DCX: variants seen among roughly 807,000 people sequenced by gnomAD.
DCX encodes doublecortin.
Under a neutral mutation model 20.9 loss-of-function variants are expected in DCX, and 4 were observed. The observed-to-expected ratio is 0.19, with a 90% CI of 0.09 to 0.44. DCX has a LOEUF of 0.44. Ranked by LOEUF, DCX falls within the 20% of genes least tolerant of loss-of-function variation. DCX has a pLI of 0.99. For missense variants in DCX, 133 were observed against 296.9 expected, an observed-to-expected ratio of 0.45 and a Z score of 4.06; for synonymous variants, 103 against 111.4, an observed-to-expected ratio of 0.92 and a Z score of 0.47.
rs757426126 is a variant in DCX, at chrX:111,400,943, C to A, written c.705+47G>T. 5.3e-6 allele frequency: 6 copies of A among 1,125,392 alleles called. No homozygotes were observed. In the Admixed American group the frequency reaches 1.3e-4, roughly 25 times the overall value. 92.7% of individuals were successfully genotyped at this position (1,125,392 alleles called of 1,213,427 possible). A position where few individuals can be genotyped will look rare whatever the true frequency, so the allele number is the denominator to read the frequency against. ...GATATTTTAGGTATAACATGATCAT[C>A]TAAGAATTTAGAAAAAACGGGAAAA... On this transcript the variant is annotated intron_variant, in intron 3 of 6. Transcript: ENST00000636035.
At chrX:111,312,340 G>A (rs1199429441) in intron 6 of DCX, among the ~76,000 whole-genome samples, 1 of 112,180 alleles carries the variant, frequency 8.9e-6, no homozygotes, top group East Asian at 2.8e-4. Flanking sequence ...GGGGAGACAA[G>A]TGTTCAACCC....
In DCX at chrX:111,312,681, G is replaced by A; in HGVS notation, c.1002C>T (p.Ile334=). The change falls in exon 6 of 7, where the codon ATC becomes ATT. Residue 334 remains isoleucine, a synonymous_variant. Coordinates refer to ENST00000636035, the MANE Select transcript of DCX (RefSeq NM_001195553.2). The part of the protein sequence containing the change: ...LSTPKSKQSP[I]STPTSPGSLR... Reference sequence around the variant, plus strand: ...GGCTGCCAGGACTGGTGGGCGTAGAGATGGGAGACTGCTTAGACTTGGGGG... The same window carrying A: ...GGCTGCCAGGACTGGTGGGCGTAGAAATGGGAGACTGCTTAGACTTGGGGG... 2 of 1,212,034 alleles carry A rather than the reference G, an allele frequency of 1.7e-6. No homozygotes were observed. The highest frequency in any genetic ancestry group is 2.2e-6 in the Non-Finnish European group (2 of 895,626).
Position 111,295,150 on chromosome X carries a change from C to T in DCX, c.*6537G>A, listed in dbSNP as rs1603410527. On this transcript the variant is annotated 3_prime_UTR_variant, in exon 7 of 7. Coordinates refer to ENST00000636035, the MANE Select transcript of DCX (RefSeq NM_001195553.2). Reference sequence around the variant, plus strand: ...GGCATAACCTCTTACTTGTTCAAATCCCTTTTGGATAACTTATAAAGAAAA... The same window carrying T: ...GGCATAACCTCTTACTTGTTCAAATTCCTTTTGGATAACTTATAAAGAAAA... 8.9e-6 allele frequency: 1 copy of T among 112,190 alleles called. No individual in the cohort carries two copies. The highest frequency in any genetic ancestry group is 3.2e-5 in the African/African-American group (1 of 30,876). The allele number at this position is 112,190 out of a possible 1,213,427, so 9.2% of individuals were successfully genotyped here.
intron 5 of DCX, among the ~76,000 whole-genome samples, chrX:111,316,088 A>T (rs6642886): frequency 1.0e-4 from 6 of 59,630 alleles, no homozygotes; most frequent in Non-Finnish European, 1.9e-4. Context: ...ATAAAAAATA[A>T]AAAAAAAAAA....
chrX:111,383,819 A>G (rs1433936975), intron 3 of DCX, among the ~76,000 whole-genome samples: 2 of 111,298 alleles, frequency 1.8e-5, no homozygotes, highest in South Asian at 3.9e-4. Flanking sequence ...TTTTGATGTA[A>G]TTAGTCTGGA....
intron 5 of DCX, among the ~76,000 whole-genome samples, chrX:111,318,791 A>G (rs186100621): frequency 2.5e-3 from 273 of 110,955 alleles, no homozygotes; most frequent in African/African-American, 8.6e-3. Context: ...ATGGGGCCTA[A>G]TTGAGGGTGG....
intron 5 of DCX, among the ~76,000 whole-genome samples, chrX:111,329,911 C>T (rs965000740): frequency 8.9e-6 from 1 of 112,193 alleles, no homozygotes; most frequent in Non-Finnish European, 1.9e-5. Context: ...AATTCTGAGC[C>T]TTGGGATGAC....
chrX:111,338,526 G>A (rs1037453474), intron 3 of DCX, among the ~76,000 whole-genome samples: 2 of 111,007 alleles, frequency 1.8e-5, no homozygotes, highest in African/African-American at 6.6e-5. Flanking sequence ...TCCAGTCAGA[G>A]GTTGACACAG....
chrX:111,298,065 C>T lies in DCX; in HGVS notation c.*3622G>A, dbSNP rs948742222. 5.4e-5 allele frequency: 6 copies of T among 111,521 alleles called. No homozygotes were observed. Among genetic ancestry groups the T allele is most frequent in the Admixed American group, 2.9e-4 (3 of 10,524 alleles). 9.2% of individuals were successfully genotyped at this position (111,521 alleles called of 1,213,427 possible). A position where few individuals can be genotyped will look rare whatever the true frequency, so the allele number is the denominator to read the frequency against. On this transcript the variant is annotated 3_prime_UTR_variant, in exon 7 of 7. Transcript: ENST00000636035. Reference sequence around the variant, plus strand: ...CTAGTTTTTTTAAAATGTTGAAAAGCCATCTCAGAAAGTTAGGATGAACAA... The same window carrying T: ...CTAGTTTTTTTAAAATGTTGAAAAGTCATCTCAGAAAGTTAGGATGAACAA...
At chrX:111,354,258 T>C (rs1279798851) in intron 3 of DCX, among the ~76,000 whole-genome samples, 1 of 111,846 alleles carries the variant, frequency 8.9e-6, no homozygotes, top group Non-Finnish European at 1.9e-5. Context: ...TCCCTTAAAA[T>C]CTAGTGAAAT....
At chrX:111,408,393 C>T (rs746331767) in intron 2 of DCX, among the ~76,000 whole-genome samples, 3 of 110,462 alleles carry the variant, frequency 2.7e-5, no homozygotes, top group East Asian at 2.9e-4. Flanking sequence ...GAGGCCAAGG[C>T]GGGTGGATCC....
chrX:111,374,565 G>A (rs187046163), intron 3 of DCX, among the ~76,000 whole-genome samples: 2 of 111,451 alleles, frequency 1.8e-5, no homozygotes, highest in Non-Finnish European at 3.8e-5. Context: ...GACTGCTGCA[G>A]GCTACTCATC....
chrX:111,336,403 G>T (rs1921739594), intron 3 of DCX, among the ~76,000 whole-genome samples: 1 of 112,393 alleles, frequency 8.9e-6, no homozygotes, highest in Non-Finnish European at 1.9e-5. Flanking sequence ...CTACAATCCA[G>T]CTGTTCAGCA....
chrX:111,367,189 G>A (rs1009571141), intron 3 of DCX, among the ~76,000 whole-genome samples: 1 of 111,785 alleles, frequency 8.9e-6, no homozygotes, highest in African/African-American at 3.3e-5. Context: ...ACTCTCTGGT[G>A]CCATGAGGGA....
At chrX:111,333,022 G>C (rs1403946494) in intron 4 of DCX, 29 bp downstream of exon 4, 1 of 1,053,227 alleles carries the variant, frequency 9.5e-7, no homozygotes, top group Admixed American at 2.2e-5. Context: ...GAGAACAATG[G>C]AGCAATAAAA....
chrX:111,403,193 C>T (rs1000773986), intron 2 of DCX, among the ~76,000 whole-genome samples: 3 of 112,032 alleles, frequency 2.7e-5, no homozygotes, highest in Admixed American at 9.5e-5. Context: ...GATTCACTGG[C>T]ACCTTGCAGG....
At position 111,353,086 on chromosome X, in the gene DCX, G is replaced by C. The variant is rs188080588; in HGVS notation, c.706-19933C>G. The stretch of plus-strand genomic sequence containing the variant: ...CTCAAGTGTCAGCTTCATATGCCTA[G>C]AAAGGAGTATAAAGGAGGAATTTGG... On this transcript the variant is annotated intron_variant, in intron 3 of 6. Coordinates refer to ENST00000636035, the MANE Select transcript of DCX (RefSeq NM_001195553.2). Among the ~76,000 whole-genome samples, 6 of 112,018 alleles carry C rather than the reference G, an allele frequency of 5.4e-5. No individual in the cohort carries two copies. In the East Asian group the frequency reaches 1.1e-3, roughly 21 times the overall value.
chrX:111,376,244 CAG>C (rs983482776), intron 3 of DCX, among the ~76,000 whole-genome samples: 4 of 112,054 alleles, frequency 3.6e-5, no homozygotes, highest in African/African-American at 1.3e-4. Context: ...ACACCCCGCA[CAG>C]AGTCCTTTGT....
intron 3 of DCX, among the ~76,000 whole-genome samples, chrX:111,346,691 A>C (rs1179362623): frequency 8.9e-6 from 1 of 112,339 alleles, no homozygotes; most frequent in African/African-American, 3.2e-5. Context: ...AAGATTATTA[A>C]AATTAATTGC....
Sources: gnomAD v4.1 joint callset for allele counts (sites outside exome capture counted in the v4.1 genomes callset) on GRCh38, gnomAD v4.1.1 for gene constraint, MANE v1.5 for transcripts, NCBI Gene and HGNC (gene_info 2026-07-23, HGNC 2026-07-21) for gene names.